ULK2: variants seen among roughly 807,000 people sequenced by gnomAD.
ULK2 encodes serine/threonine-protein kinase ULK2.
A neutral mutation model predicts 127.5 loss-of-function variants in ULK2; 76 were observed. The observed-to-expected ratio is 0.60, with a 90% CI of 0.50 to 0.72. The LOEUF (loss-of-function observed/expected upper bound fraction) is 0.72, where lower values mean the gene tolerates loss of function less well. Ranked by LOEUF, ULK2 falls within the 30% of genes least tolerant of loss-of-function variation. The pLI is 0.00. For missense variants in ULK2, 1,144 were observed against 1,295.9 expected (o/e 0.88, Z 1.80); for synonymous variants, 452 against 461.9 (o/e 0.98, Z 0.28).
intron 15 of ULK2, among the ~76,000 whole-genome samples, chr17:19,802,725 G>A (rs781590504): frequency 3.9e-5 from 6 of 152,176 alleles, no homozygotes; most frequent in South Asian, 4.1e-4. Flanking sequence ...GCAAGTGGTC[G>A]TTGCTAAAAG....
chr17:19,805,930 GAT>G (rs2152387497), intron 14 of ULK2, among the ~76,000 whole-genome samples: 1 of 152,308 alleles, frequency 6.6e-6, no homozygotes, highest in Admixed American at 6.5e-5. Context: ...AATTCCTAAT[GAT>G]ACGCCATTTA....
intron 9 of ULK2, among the ~76,000 whole-genome samples, chr17:19,839,047 G>C (rs759368732): frequency 3.3e-5 from 5 of 151,116 alleles, no homozygotes; most frequent in African/African-American, 9.7e-5. Context: ...AAAAAAAGAA[G>C]GAAAAAAAGC....
chr17:19,773,448 G>C lies in ULK2; in HGVS notation c.*2901C>G, dbSNP rs1394069197. 1 of 152,154 alleles carries C rather than the reference G, an allele frequency of 6.6e-6. No homozygotes were observed. The allele number at this position is 152,154 out of a possible 1,614,324, so 9.4% of individuals were successfully genotyped here. A position where few individuals can be genotyped will look rare whatever the true frequency, so the allele number is the denominator to read the frequency against. On this transcript the variant is annotated 3_prime_UTR_variant, in exon 27 of 27. Transcript: ENST00000395544. ...CTAGTGAGGGCAGAACTGCTGGGCT[G>C]GTAATTCCTCTTGGTGGAGACAAAG...
chr17:19,842,560 G>A (rs183840567), intron 8 of ULK2, among the ~76,000 whole-genome samples: 1 of 152,052 alleles, frequency 6.6e-6, no homozygotes, highest in East Asian at 1.9e-4. Context: ...TTTCAAATTC[G>A]AAGATCTTCT....
Position 19,773,670 on chromosome 17 carries a change from G to A in ULK2, c.*2679C>T, listed in dbSNP as rs577970480. ...AGGCGAGCTGGAGGGAGGGATGGAT[G>A]CTATCCTTCTCTGGACTGAAGCAGT... On this transcript the variant is annotated 3_prime_UTR_variant, in exon 27 of 27. Coordinates refer to ENST00000395544, the MANE Select transcript of ULK2 (RefSeq NM_014683.4). 1.3e-5 allele frequency: 2 copies of A among 152,368 alleles called. No individual in the cohort carries two copies. Among genetic ancestry groups the A allele is most frequent in the Admixed American group, 6.5e-5 (1 of 15,304 alleles). The allele number at this position is 152,368 out of a possible 1,614,324, so 9.4% of individuals were successfully genotyped here.
intron 10 of ULK2, among the ~76,000 whole-genome samples, chr17:19,834,082 A>G (rs2041531341): frequency 6.6e-6 from 1 of 152,196 alleles, no homozygotes; most frequent in African/African-American, 2.4e-5. Context: ...ATGACTCATC[A>G]CCTACTAGGG....
At chr17:19,851,990 G>A (rs981599370) in intron 3 of ULK2, among the ~76,000 whole-genome samples, 56 of 145,920 alleles carry the variant, frequency 3.8e-4, no homozygotes, top group African/African-American at 1.4e-3. Context: ...AGGTTGCAGT[G>A]AGCCGAGATT....
intron 13 of ULK2, among the ~76,000 whole-genome samples, chr17:19,815,252 T>G (rs184797872): frequency 1.2e-3 from 183 of 151,920 alleles, no homozygotes; most frequent in African/African-American, 2.2e-3. Flanking sequence ...CAGCATTTTT[T>G]TTTGTTTGTT....
At chr17:19,830,427 C>T (rs997091974) in intron 10 of ULK2, among the ~76,000 whole-genome samples, 2 of 152,026 alleles carry the variant, frequency 1.3e-5, no homozygotes, top group Non-Finnish European at 2.9e-5. Context: ...ATCTCAAACT[C>T]CTGGCCTCAT....
At chr17:19,857,933 G>A (rs1214853073) in intron 3 of ULK2, among the ~76,000 whole-genome samples, 2 of 151,798 alleles carry the variant, frequency 1.3e-5, no homozygotes, top group African/African-American at 2.4e-5. Context: ...ATCTCCTTGG[G>A]AAACTTACTT....
intron 20 of ULK2, among the ~76,000 whole-genome samples, chr17:19,790,340 C>G (rs1398067980): frequency 6.6e-6 from 1 of 152,114 alleles, no homozygotes; most frequent in Non-Finnish European, 1.5e-5. Context: ...TCGCTTGAAC[C>G]CAGGAAGCAG....
intron 13 of ULK2, among the ~76,000 whole-genome samples, chr17:19,813,311 G>C (rs1247981440): frequency 6.6e-6 from 1 of 152,074 alleles, no homozygotes; most frequent in African/African-American, 2.4e-5. Context: ...ACAATATACT[G>C]CATGTTGAAA....
intron 12 of ULK2, among the ~76,000 whole-genome samples, chr17:19,821,017 A>AT (rs1210507267): frequency 4.6e-5 from 7 of 152,180 alleles, no homozygotes; most frequent in African/African-American, 1.4e-4. Flanking sequence ...TTATAAAACG[A>AT]ATAAATAGGC....
intron 13 of ULK2, among the ~76,000 whole-genome samples, chr17:19,815,908 C>T (rs1282280151): frequency 6.6e-6 from 1 of 152,098 alleles, no homozygotes; most frequent in Admixed American, 6.6e-5. Context: ...TACTAGATTA[C>T]TTTTAAAGGT....
At position 19,781,061 on chromosome 17, in the gene ULK2, G is replaced by T. The variant is rs1242621620; in HGVS notation, c.2683C>A (p.Leu895Ile). ...LVLYMKAAQL[L>I]AASLHLAKAQ... ...TTGGCAAGATGCAGAGAAGCCGCAA[G>T]CAGCTGTGCTGCTTTCATGTACAAC... Residue 895 changes from leucine to isoleucine, a missense_variant, in exon 24 of 27, where the codon CTT becomes ATT. Physicochemically the swap from Leu to Ile is conservative, Grantham distance 5. Around this residue, in one of 2 missense-constraint regions of ULK2, gnomAD observed 913 missense variants for 970.5 expected, o/e 0.94. Transcript: ENST00000395544. The T allele has an allele frequency of 6.2e-7, 1 of 1,613,862 alleles. No homozygotes were observed. The highest frequency in any genetic ancestry group is 1.3e-5 in the African/African-American group (1 of 74,882).
chr17:19,801,313 C>A (rs2087392155), intron 16 of ULK2, among the ~76,000 whole-genome samples: 1 of 152,156 alleles, frequency 6.6e-6, no homozygotes, highest in Non-Finnish European at 1.5e-5. Context: ...GTGGCTCACA[C>A]CTATAATCCC....
chr17:19,860,683 C>T (rs180805912), intron 3 of ULK2, among the ~76,000 whole-genome samples: 2 of 152,004 alleles, frequency 1.3e-5, no homozygotes, highest in African/African-American at 2.4e-5. Context: ...TGCCACCATG[C>T]CCAGCTAATT....
At chr17:19,852,787 C>T (rs2042046493) in intron 3 of ULK2, among the ~76,000 whole-genome samples, 1 of 151,418 alleles carries the variant, frequency 6.6e-6, no homozygotes, top group Non-Finnish European at 1.5e-5. Flanking sequence ...CCCGCCACCA[C>T]ACCTGGCTAG....
At position 19,846,923 on chromosome 17, in the gene ULK2, G is replaced by C; in HGVS notation, c.296-13C>G. 1 of 1,595,872 alleles carries C rather than the reference G, an allele frequency of 6.3e-7. No individual in the cohort carries two copies. Among genetic ancestry groups the C allele is most frequent in the South Asian group, 1.1e-5 (1 of 87,150 alleles). The stretch of plus-strand genomic sequence containing the variant: ...AGAGTCCCTTTCGCTGGTACAAAAG[G>C]AGTCACGTAAATATTTAAGCACACA... On this transcript the variant is annotated splice_polypyrimidine_tract_variant and intron_variant, in intron 5 of 26. Coordinates refer to ENST00000395544, the MANE Select transcript of ULK2 (RefSeq NM_014683.4).
Sources: allele counts gnomAD v4.1 joint callset (sites outside exome capture counted in the v4.1 genomes callset), GRCh38; gene constraint gnomAD v4.1.1; regional missense constraint gnomAD v4.1.1; transcripts MANE v1.5; gene names NCBI Gene and HGNC (gene_info 2026-07-23, HGNC 2026-07-21).